ZNF335: variants seen among roughly 807,000 people sequenced by gnomAD.
The protein encoded by ZNF335 is zinc finger protein 335, also known as NRC-interacting factor 1.
A neutral mutation model predicts 145.6 loss-of-function variants in ZNF335; 84 were observed. The ratio of observed to expected loss-of-function variants is 0.58; its 90% confidence interval spans 0.48 to 0.69. The LOEUF (loss-of-function observed/expected upper bound fraction) is 0.69. ZNF335 is among the 30% of genes least tolerant of loss of function. The probability of loss-of-function intolerance (pLI) is 0.00; values close to 1 mark genes in which losing one functional copy is unlikely to be tolerated. For missense variants in ZNF335, 1,865 were observed against 1,809.7 expected (o/e 1.03, Z -0.55); for synonymous variants, 761 against 717.0 (o/e 1.06, Z -0.98).
chr20:45,964,970 G>T (rs1389884971), intron 7 of ZNF335, among the ~76,000 whole-genome samples: 1 of 151,710 alleles, frequency 6.6e-6, no homozygotes, highest in Non-Finnish European at 1.5e-5. Context: ...GACAGGGGTT[G>T]CAGTGAGCCG....
chr20:45,969,685 C>T lies in ZNF335; in HGVS notation c.208G>A (p.Val70Ile), dbSNP rs761798551. 1 of 1,611,256 alleles carries T rather than the reference C, an allele frequency of 6.2e-7. No individual in the cohort carries two copies. Among genetic ancestry groups the T allele is most frequent in the Non-Finnish European group, 8.5e-7 (1 of 1,179,004 alleles). Residue 70 changes from valine (V) to isoleucine (I), a missense_variant, in exon 3 of 28, where the codon GTA (valine) becomes ATA (isoleucine). Val to Ile is a conservative substitution (Grantham distance 29, BLOSUM62 3). Transcript: ENST00000322927. ...SDRGSRSQEE[V>I]SESSSSADPL... is the part of the protein sequence containing the mutation. ...TCTGCGCTCGAGCTGCTCTCAGATA[C>T]CTCCTCCTGAGGGGCATGAAACAGG... is the stretch of plus-strand genomic sequence containing the variant.
intron 2 of ZNF335, 89 bp downstream of exon 2, chr20:45,971,121 G>C (rs534135228): frequency 7.7e-6 from 11 of 1,437,882 alleles, no homozygotes; most frequent in South Asian, 1.5e-5. Flanking sequence ...CCAAGTATTA[G>C]CTACAAACAA....
intron 1 of ZNF335, 156 bp from the exon 2 acceptor site, chr20:45,971,616 G>C (rs1158798099): frequency 1.0e-6 from 1 of 985,376 alleles, no homozygotes; most frequent in African/African-American, 1.7e-5. Context: ...GGGGAGCTCG[G>C]GAAAAACTTG....
At chr20:45,962,814 TGTTTGTTTG>T (rs1568821246) in intron 9 of ZNF335, among the ~76,000 whole-genome samples, 2 of 121,780 alleles carry the variant, frequency 1.6e-5, no homozygotes, top group Admixed American at 7.9e-5. Flanking sequence ...TTTTTTTTTT[TGTTTGTTTG>T]TTTTTTTGAG....
At position 45,963,977 on chromosome 20, in the gene ZNF335, C is replaced by T. The variant is rs550725117; in HGVS notation, c.1116G>A (p.Glu372=). ...ISDLPDGVEG[E]PLVSSQSGQS... ...GTCCACTCTGGGAACTCACTAGAGG[C>T]TCTCCTTCCACACCTGCCACGGACA... is the stretch of plus-strand genomic sequence containing the variant. The change falls in exon 8 of 28, where the codon GAG becomes GAA. Residue 372 remains glutamate (E), a synonymous_variant. Coordinates refer to ENST00000322927, the MANE Select transcript of ZNF335 (RefSeq NM_022095.4). The T allele has an allele frequency of 1.3e-4, 192 of 1,519,968 alleles. 5 individuals carry two copies. The South Asian group carries it at 2.5e-3, about 20-fold the overall frequency. 94.2% of individuals were successfully genotyped at this position (1,519,968 alleles called of 1,614,324 possible).
chr20:45,966,875 T>C, intron 6 of ZNF335: 1 of 150,932 alleles, frequency 6.6e-6, no homozygotes, highest in Non-Finnish European at 1.5e-5. Context: ...TTTTTTTTTC[T>C]TTTTTTTGAG....
Position 45,963,976 on chromosome 20 carries a change from GCT to G in ZNF335, c.1115_1116del (p.Glu372AlafsTer58). The G allele has an allele frequency of 1.3e-6, 2 of 1,520,318 alleles. No homozygotes were observed. Among genetic ancestry groups the G allele is most frequent in the Non-Finnish European group, 1.8e-6 (2 of 1,135,910 alleles). The allele number at this position is 1,520,318 out of a possible 1,614,324, so 94.2% of individuals were successfully genotyped here. On this transcript the variant is annotated frameshift_variant, in exon 8 of 28. Coordinates refer to ENST00000322927, the MANE Select transcript of ZNF335 (RefSeq NM_022095.4). LOFTEE classifies it high-confidence loss of function. Reference sequence around the variant, plus strand: ...TGTCCACTCTGGGAACTCACTAGAGGCTCTCCTTCCACACCTGCCACGGACAT... The same window carrying G: ...TGTCCACTCTGGGAACTCACTAGAGGCTCCTTCCACACCTGCCACGGACAT... ...ISDLPDGVEG[E>X]PLVSSQSGQS...
At chr20:45,968,563 T>C in intron 3 of ZNF335, 1 of 496,460 alleles carries the variant, frequency 2.0e-6, no homozygotes, top group Admixed American at 3.2e-5. Context: ...TAGTGTGACA[T>C]GCTGACTCAG....
At chr20:45,965,390 T>C (rs2083932293) in intron 7 of ZNF335, among the ~76,000 whole-genome samples, 1 of 152,188 alleles carries the variant, frequency 6.6e-6, no homozygotes, top group African/African-American at 2.4e-5. Flanking sequence ...ATTTCTCTTT[T>C]GCTATGACAA....
rs1262780465 is a variant in ZNF335 at position 45,949,178 on chromosome 20, G to C, written c.3893C>G (p.Ala1298Gly). Residue 1298 changes from alanine to glycine, a missense_variant, in exon 27 of 28, where the codon GCT becomes GGT. By Grantham distance (60) the Ala-to-Gly change is moderately conservative (BLOSUM62 0). Coordinates refer to ENST00000322927, the MANE Select transcript of ZNF335 (RefSeq NM_022095.4). ...AGGATCCAGCTCCATACCTGTGACAGCTGAGTGTGCTGCAGCCTCAAGTTG... is the reference window on the plus strand; with the variant it reads ...AGGATCCAGCTCCATACCTGTGACACCTGAGTGTGCTGCAGCCTCAAGTTG... ...QAQLEAAAHS[A>G]VTAVADAAMA... 6.2e-7 allele frequency: 1 copy of C among 1,613,736 alleles called. No homozygotes were observed.
At chr20:45,950,625 G>C (rs199790935) in intron 20 of ZNF335, 30 bp from the exon 21 acceptor site, 5 of 1,612,886 alleles carry the variant, frequency 3.1e-6, no homozygotes, top group East Asian at 2.2e-5. Flanking sequence ...GGGGGCATTG[G>C]CTGGGTCAGG....
At chr20:45,953,621 G>A (rs2083673086) in intron 18 of ZNF335, 68 bp downstream of exon 18, 3 of 1,584,156 alleles carry the variant, frequency 1.9e-6, no homozygotes, top group Non-Finnish European at 2.6e-6. Flanking sequence ...CTTGGGTGGG[G>A]CCCAAATCGG....
In ZNF335 at chr20:45,953,821, G is replaced by A. The variant is rs1396418878; in HGVS notation, c.2570C>T (p.Ala857Val). The change falls in exon 18 of 28, where the codon GCC becomes GTC. Residue 857 changes from alanine (A) to valine (V), a missense_variant. By Grantham distance (64) the Ala-to-Val change is moderately conservative. Coordinates refer to ENST00000322927, the MANE Select transcript of ZNF335 (RefSeq NM_022095.4). ...GTCAGGAGGGCCTAGCTGGCTCTCG[G>A]CTGCTGCACCGCCCCCTGGCTCTGC... is the stretch of plus-strand genomic sequence containing the variant. ...HVAEPGGGAA[A>V]ESQLGPPDLP... The A allele has an allele frequency of 6.2e-7, 1 of 1,614,088 alleles. No homozygotes were observed. The highest frequency in any genetic ancestry group is 1.3e-5 in the African/African-American group (1 of 75,054).
At chr20:45,971,840 C>T (rs2084076309) in intron 1 of ZNF335, 1 of 984,920 alleles carries the variant, frequency 1.0e-6, no homozygotes, top group Non-Finnish European at 1.2e-6. Context: ...CAGTGGTTCG[C>T]TCCCCCCCGG....
chr20:45,952,115 ACAG>A, intron 20 of ZNF335, 29 bp downstream of exon 20: 1 of 1,553,906 alleles, frequency 6.4e-7, no homozygotes, highest in African/African-American at 1.4e-5. Flanking sequence ...CCAATGAATG[ACAG>A]CAGAGACACA....
At chr20:45,950,406 C>T (rs1183127294) in intron 21 of ZNF335, 33 bp from the exon 22 acceptor site, 1 of 1,612,208 alleles carries the variant, frequency 6.2e-7, no homozygotes, top group Non-Finnish European at 8.5e-7. Context: ...CAGGTTAGCT[C>T]CACCATACAT....
In ZNF335 at chr20:45,971,258, G is replaced by T. The variant is rs1568832891; in HGVS notation, c.153C>A (p.Ala51=). 2 of 1,562,062 alleles carry T rather than the reference G, an allele frequency of 1.3e-6. No individual in the cohort carries two copies. Among genetic ancestry groups the T allele is most frequent in the Non-Finnish European group, 8.6e-7 (1 of 1,158,696 alleles). Residue 51 remains alanine, a synonymous_variant, in exon 2 of 28, where the codon GCC becomes GCA. Transcript: ENST00000322927. ...AGCTTTGCCCCACGCCAGAGTCATC[G>T]GCCTCTGCCTGCCCCGGGGCGGCCG... ...DAAAAPGQAE[A]DDSGVGQSSD...
chr20:45,971,543 C>CGCCCATTTTGCA, intron 1 of ZNF335, 83 bp from the exon 2 acceptor site: 1 of 1,478,024 alleles, frequency 6.8e-7, no homozygotes, highest in South Asian at 1.3e-5. Context: ...TGCACCCCTG[C>CGCCCATTTTGCA]GCCCATTTTG....
rs759006969 is a variant in ZNF335, at chr20:45,968,300, G to A, written c.505C>T (p.Gln169Ter). Residue 169 changes from glutamine (Q) to a stop codon, truncating the protein, a stop_gained, in exon 4 of 28, where the codon CAG becomes TAG. Coordinates refer to ENST00000322927, the MANE Select transcript of ZNF335 (RefSeq NM_022095.4). LOFTEE classifies it high-confidence loss of function. ...GGGGTCTTACCATCATCTGGGCCCT[G>A]TAGGATCAGGTACCGTGTGGTCTCG... ...GAETTRYLILQGPDDGAPMTS... is the reference protein window; with the variant it reads ...GAETTRYLIL 6.2e-7 allele frequency: 1 copy of A among 1,613,410 alleles called. No individual in the cohort carries two copies. The highest frequency in any genetic ancestry group is 8.5e-7 in the Non-Finnish European group (1 of 1,179,542).
Sources: allele counts gnomAD v4.1 joint callset (sites outside exome capture counted in the v4.1 genomes callset), GRCh38; gene constraint gnomAD v4.1.1; transcripts MANE v1.5; gene names NCBI Gene and HGNC (gene_info 2026-07-23, HGNC 2026-07-21).